The following VEPH1 variants were observed in gnomAD, a reference collection of about 807,000 sequenced individuals.
The protein encoded by VEPH1 is ventricular zone expressed PH domain containing 1, also known as ventricular zone-expressed PH domain-containing protein homolog 1.
VEPH1 carries 80 observed loss-of-function variants against 85.2 expected under a neutral mutation model. The observed-to-expected ratio is 0.94, with a 90% confidence interval of 0.78 to 1.13. VEPH1 has a LOEUF of 1.13. Ranked by LOEUF, VEPH1 falls within the 50% of genes most tolerant of loss-of-function variation. The probability of loss-of-function intolerance (pLI) is 0.00; values close to 1 mark genes in which losing one functional copy is unlikely to be tolerated. For synonymous variants in VEPH1, 297 were observed against 348.0 expected, an observed-to-expected ratio of 0.85 and a Z score of 1.63; for missense variants, 955 against 980.5, an observed-to-expected ratio of 0.97 and a Z score of 0.35.
Position 157,265,673 on chromosome 3 carries a change from T to C in VEPH1, c.2129-11A>G, listed in dbSNP as rs748126573. The C allele has an allele frequency of 5.6e-6, 9 of 1,612,420 alleles. No homozygotes were observed. Among genetic ancestry groups the C allele is most frequent in the African/African-American group, 5.3e-5 (4 of 74,880 alleles). On this transcript the variant is annotated splice_polypyrimidine_tract_variant and intron_variant, in intron 12 of 13. Transcript: ENST00000362010. Reference sequence around the variant, plus strand: ...CATCTTGATTTACAACTGTTGAAGGTAGCAGAATAATCATGCCATGTATTT... The same window carrying C: ...CATCTTGATTTACAACTGTTGAAGGCAGCAGAATAATCATGCCATGTATTT...
In VEPH1 at chr3:157,292,923, C is replaced by T. The variant is rs916857938; in HGVS notation, c.2011-6249G>A. Among the ~76,000 whole-genome samples the T allele has an allele frequency of 2.5e-4, 36 of 146,272 alleles. No homozygotes were observed. In the East Asian group the frequency reaches 3.0e-3, roughly 12 times the overall value. On this transcript the variant is annotated intron_variant, in intron 11 of 13. Transcript: ENST00000362010. ...GCTTGAGCCCAGGAGGCGGAGGTTG[C>T]GGTGAGCTGAGATCGCACCATTGCA...
intron 5 of VEPH1, among the ~76,000 whole-genome samples, chr3:157,423,174 T>C (rs546568486): frequency 6.6e-6 from 1 of 152,354 alleles, no homozygotes; most frequent in East Asian, 1.9e-4. Context: ...AGGGAGTGCA[T>C]ATGAATATGT....
rs1011714522 is a variant in VEPH1, at chr3:157,493,710, C to T, written c.138+1502G>A. On this transcript the variant is annotated intron_variant, in intron 2 of 13. Coordinates refer to ENST00000362010, the MANE Select transcript of VEPH1 (RefSeq NM_001167912.2). ...ACAAGGGACCTGCCAGCCTTAATGGCTAACCAGTGGAGTTATATAATAGAA... is the reference window on the plus strand; with the variant it reads ...ACAAGGGACCTGCCAGCCTTAATGGTTAACCAGTGGAGTTATATAATAGAA... 2.0e-5 allele frequency among the ~76,000 whole-genome samples: 3 copies of T among 152,260 alleles called. No homozygotes were observed. In the East Asian group the frequency reaches 5.8e-4, roughly 29 times the overall value.
At chr3:157,356,874 A>G (rs1453985401) in intron 9 of VEPH1, among the ~76,000 whole-genome samples, 1 of 152,142 alleles carries the variant, frequency 6.6e-6, no homozygotes, top group African/African-American at 2.4e-5. Flanking sequence ...GGGGCTCAGG[A>G]CCATTTTATA....
At chr3:157,388,723 G>A (rs902750026) in intron 6 of VEPH1, among the ~76,000 whole-genome samples, 4 of 151,956 alleles carry the variant, frequency 2.6e-5, no homozygotes, top group East Asian at 3.9e-4. Context: ...ACAATATAAC[G>A]ATAAAAATAA....
rs1559903436 is a variant in VEPH1, at chr3:157,261,142, A to G, written c.2494T>C (p.Tyr832His). The change falls in exon 14 of 14, where the codon TAT becomes CAT. Residue 832 changes from tyrosine to histidine, a missense_variant. By Grantham distance (83) the Tyr-to-His change is moderately conservative (BLOSUM62 2). Coordinates refer to ENST00000362010, the MANE Select transcript of VEPH1 (RefSeq NM_001167912.2). ...KERESREVTT[Y>H]L ...GGCTGACTTATAAATCCCTACAGAT[A>G]TGTGGTTACTTCTCTACTTTCCCTT... 1.9e-6 allele frequency: 3 copies of G among 1,613,484 alleles called. No individual in the cohort carries two copies. The East Asian group carries it at 6.7e-5, about 36-fold the overall frequency.
upstream of VEPH1, chr3:157,503,450 A>G (rs1740267330): frequency 6.6e-6 from 1 of 152,148 alleles, no homozygotes; most frequent in African/African-American, 2.4e-5. Flanking sequence ...GGTACATTTC[A>G]TTCCCTCCCC....
intron 9 of VEPH1, among the ~76,000 whole-genome samples, chr3:157,326,759 A>G (rs1444031304): frequency 6.6e-6 from 1 of 152,224 alleles, no homozygotes; most frequent in African/African-American, 2.4e-5. Flanking sequence ...GGAGAAGTAT[A>G]TTAGATACAT....
chr3:157,267,093 CT>C (rs1213646666), intron 12 of VEPH1, among the ~76,000 whole-genome samples: 4 of 108,220 alleles, frequency 3.7e-5, no homozygotes, highest in East Asian at 2.8e-4. Flanking sequence ...TTTTCTTTTT[CT>C]TTTTTTTCTT....
chr3:157,470,557 A>G, intron 2 of VEPH1, 28 bp from the exon 3 acceptor site: 1 of 1,602,970 alleles, frequency 6.2e-7, no homozygotes. Context: ...CTTCATGTTA[A>G]ATAATACTCT....
intron 2 of VEPH1, among the ~76,000 whole-genome samples, chr3:157,493,964 A>G (rs991720482): frequency 2.0e-5 from 3 of 152,198 alleles, no homozygotes; most frequent in African/African-American, 7.2e-5. Flanking sequence ...GGGGTTTCTG[A>G]AAACAGGACA....
chr3:157,341,096 A>G (rs1222896390), intron 9 of VEPH1, among the ~76,000 whole-genome samples: 1 of 152,222 alleles, frequency 6.6e-6, no homozygotes, highest in Non-Finnish European at 1.5e-5. Context: ...AGAAAAGCTG[A>G]AAATTCTAAA....
chr3:157,493,257 AG>A (rs1168271171), intron 2 of VEPH1: 1 of 456,392 alleles, frequency 2.2e-6, no homozygotes, highest in Non-Finnish European at 4.4e-6. Flanking sequence ...GGAAGTTGGA[AG>A]GGGCAATTTA....
intron 4 of VEPH1, among the ~76,000 whole-genome samples, chr3:157,450,092 G>A (rs961511981): frequency 2.3e-5 from 2 of 86,510 alleles, no homozygotes; most frequent in African/African-American, 8.9e-5. Flanking sequence ...GGCTTGTTCT[G>A]TCACCCATGC....
At chr3:157,381,482 A>T (rs1728767015) in intron 6 of VEPH1, 106 bp from the exon 7 acceptor site, 1 of 1,131,914 alleles carries the variant, frequency 8.8e-7, no homozygotes, top group Admixed American at 2.1e-5. Context: ...AGGTGGGTGG[A>T]TGGCTTGGAA....
At chr3:157,443,087 T>C in intron 4 of VEPH1, 2 of 1,306,286 alleles carry the variant, frequency 1.5e-6, no homozygotes, top group Non-Finnish European at 1.0e-6. Context: ...TTGAGACTAA[T>C]GAAAGAGAGA....
At chr3:157,437,067 A>G (rs1381084119) in intron 4 of VEPH1, 1 of 1,613,804 alleles carries the variant, frequency 6.2e-7, no homozygotes, top group Admixed American at 1.7e-5. Flanking sequence ...GAGGACCGTA[A>G]GTTCACTTTA....
chr3:157,344,021 C>T (rs1250291985), intron 9 of VEPH1, among the ~76,000 whole-genome samples: 7 of 152,264 alleles, frequency 4.6e-5, no homozygotes, highest in African/African-American at 7.2e-5. Context: ...ATTGATGGGA[C>T]GTATCTCAAA....
chr3:157,300,154 T>C (rs1028399340), intron 11 of VEPH1, among the ~76,000 whole-genome samples: 1 of 152,130 alleles, frequency 6.6e-6, no homozygotes, highest in Admixed American at 6.5e-5. Context: ...CTGGTGTTTG[T>C]TGGCATTCAC....
Sources: gnomAD v4.1 joint callset for allele counts (sites outside exome capture counted in the v4.1 genomes callset) on GRCh38, gnomAD v4.1.1 for gene constraint, MANE v1.5 for transcripts, NCBI Gene and HGNC (gene_info 2026-07-23, HGNC 2026-07-21) for gene names.